Variants in PCDH15 observed in about 807,000 individuals in gnomAD.
PCDH15 encodes protocadherin related 15, also known as protocadherin-15.
PCDH15 carries 129 observed loss-of-function variants against 178.5 expected under a neutral mutation model. The ratio of observed to expected loss-of-function variants is 0.72; its 90% CI spans 0.63 to 0.84. The LOEUF (loss-of-function observed/expected upper bound fraction) is 0.84. PCDH15 is among the 40% of genes least tolerant of loss of function. PCDH15 has a pLI of 0.00. For synonymous variants in PCDH15, 800 were observed against 732.0 expected, an observed-to-expected ratio of 1.09 and a Z score of -1.50; for missense variants, 2,230 against 2,099.9, an observed-to-expected ratio of 1.06 and a Z score of -1.21.
chr10:54,613,864 C>CA (rs1448447533), intron 2 of PCDH15, among the ~76,000 whole-genome samples: 2 of 151,606 alleles, frequency 1.3e-5, no homozygotes, highest in African/African-American at 4.8e-5. Context: ...GTTAGCTCCT[C>CA]AACCTTGGAT....
chr10:55,472,507 G>T (rs1589059044), intron 2 of PCDH15, among the ~76,000 whole-genome samples: 2 of 124,642 alleles, frequency 1.6e-5, no homozygotes, highest in African/African-American at 3.0e-5. Context: ...CCAGAATCCT[G>T]ACTCTAATAA....
intron 1 of PCDH15, among the ~76,000 whole-genome samples, chr10:55,293,792 A>G (rs113526384): frequency 0.16 from 24,836 of 151,984 alleles, 3,471 homozygotes; most frequent in African/African-American, 0.38. Context: ...CAGCATTTTG[A>G]TCAAAGCCAT....
At chr10:54,544,085 T>A (rs943480864) in intron 2 of PCDH15, among the ~76,000 whole-genome samples, 12 of 152,190 alleles carry the variant, frequency 7.9e-5, no homozygotes, top group African/African-American at 2.9e-4. Flanking sequence ...CCATTCTGCA[T>A]CATAAACCTT....
intron 2 of PCDH15, among the ~76,000 whole-genome samples, chr10:54,932,960 G>A (rs1484025234): frequency 6.6e-6 from 1 of 152,098 alleles, no homozygotes; most frequent in African/African-American, 2.4e-5. Context: ...TTATGGTTAA[G>A]TGCTCTATAA....
chr10:55,172,163 G>T (rs572709535), intron 1 of PCDH15, among the ~76,000 whole-genome samples: 4 of 151,700 alleles, frequency 2.6e-5, no homozygotes, highest in South Asian at 2.1e-4. Flanking sequence ...ATTGTCAAGA[G>T]AATAAATTTA....
intron 15 of PCDH15, among the ~76,000 whole-genome samples, chr10:54,103,188 T>C (rs1401627405): frequency 6.6e-6 from 1 of 152,224 alleles, no homozygotes; most frequent in Non-Finnish European, 1.5e-5. Flanking sequence ...AATTAGTCTT[T>C]TGTCCATTCT....
At chr10:55,481,436 C>T (rs1840178937) in intron 2 of PCDH15, among the ~76,000 whole-genome samples, 1 of 151,132 alleles carries the variant, frequency 6.6e-6, no homozygotes, top group African/African-American at 2.4e-5. Context: ...GGGTTGCTGA[C>T]TTGATATCTT....
In PCDH15 at chr10:53,980,404, G is replaced by A. The variant is rs1026043297; in HGVS notation, c.2868+15245C>T. Among the ~76,000 whole-genome samples, 3 of 151,798 alleles carry A rather than the reference G, an allele frequency of 2.0e-5. No homozygotes were observed. The South Asian group carries it at 6.3e-4, about 32-fold the overall frequency. On this transcript the variant is annotated intron_variant, in intron 21 of 37. Coordinates refer to ENST00000644397, the MANE Select transcript of PCDH15 (RefSeq NM_001384140.1). The stretch of plus-strand genomic sequence containing the variant: ...AAATGTGTGGGATTCTAAAGGCCCT[G>A]TCAGCATATTTTCACGAAAACTTTC...
At chr10:54,571,604 T>A (rs1930150) in intron 2 of PCDH15, among the ~76,000 whole-genome samples, 142,440 of 152,178 alleles carry the variant, frequency 0.94, 66,939 homozygotes, top group Middle Eastern at 0.98. Flanking sequence ...AAACATATGC[T>A]GGAATGGAAA....
intron 8 of PCDH15, among the ~76,000 whole-genome samples, chr10:54,240,606 C>A: frequency 7.8e-6 from 1 of 127,628 alleles, no homozygotes; most frequent in Non-Finnish European, 1.7e-5. Context: ...CTTCTAAATT[C>A]TGTTATTTAT....
intron 1 of PCDH15, among the ~76,000 whole-genome samples, chr10:55,202,009 T>C (rs904952750): frequency 1.3e-5 from 2 of 152,124 alleles, no homozygotes; most frequent in African/African-American, 4.8e-5. Context: ...AAAGTGTTTA[T>C]GGTATCACAG....
intron 2 of PCDH15, among the ~76,000 whole-genome samples, chr10:54,559,659 A>G (rs1279918952): frequency 6.6e-6 from 1 of 151,992 alleles, no homozygotes; most frequent in East Asian, 1.9e-4. Flanking sequence ...TGTTCCCACA[A>G]TAAATTCCCT....
chr10:55,041,341 T>A (rs893323456), intron 2 of PCDH15, among the ~76,000 whole-genome samples: 21 of 152,174 alleles, frequency 1.4e-4, no homozygotes, highest in Admixed American at 3.3e-4. Context: ...CTACATCCTT[T>A]AAGGAAATTT....
At chr10:54,983,895 A>G (rs1839301981) in intron 2 of PCDH15, among the ~76,000 whole-genome samples, 1 of 152,130 alleles carries the variant, frequency 6.6e-6, no homozygotes, top group Non-Finnish European at 1.5e-5. Flanking sequence ...CAGAGATAAC[A>G]CAATTGATAG....
chr10:54,346,984 G>C (rs1943399086), intron 5 of PCDH15, among the ~76,000 whole-genome samples: 1 of 152,174 alleles, frequency 6.6e-6, no homozygotes, highest in African/African-American at 2.4e-5. Context: ...AAAATACTGG[G>C]AGTTTCTTGA....
rs893590787 is a variant in PCDH15 at position 54,293,219 on chromosome 10, C to G, written c.876+24052G>C. 3.9e-5 allele frequency among the ~76,000 whole-genome samples: 6 copies of G among 152,018 alleles called. No homozygotes were observed. The South Asian group carries it at 6.2e-4, about 16-fold the overall frequency. ...CTGACAAAAACAAGCAATGGGGAAA[C>G]GATTCCCTATTTAATAAATGGTGCT... On this transcript the variant is annotated intron_variant, in intron 8 of 37. Transcript: ENST00000644397.
At chr10:54,581,101 T>G (rs1161242896) in intron 2 of PCDH15, among the ~76,000 whole-genome samples, 5 of 151,972 alleles carry the variant, frequency 3.3e-5, no homozygotes, top group Non-Finnish European at 7.4e-5. Flanking sequence ...CTTAGAGCAA[T>G]CAAAGAAGAG....
Position 53,804,292 on chromosome 10 carries a change from T to TA in PCDH15, c.*2286dup, listed in dbSNP as rs1841029155. 2 of 151,912 alleles carry TA rather than the reference T, an allele frequency of 1.3e-5. No individual in the cohort carries two copies. The highest frequency in any genetic ancestry group is 4.8e-5 in the African/African-American group (2 of 41,410). 9.4% of individuals were successfully genotyped at this position (151,912 alleles called of 1,614,324 possible). On this transcript the variant is annotated 3_prime_UTR_variant, in exon 38 of 38. Transcript: ENST00000644397. ...TTGTAAAATTTTGCATATTTTCTCA[T>TA]AAAAAATGTAGTTTAAAATACAGTG... is the stretch of plus-strand genomic sequence containing the variant.
intron 2 of PCDH15, among the ~76,000 whole-genome samples, chr10:55,120,857 G>C (rs1564814881): frequency 6.6e-6 from 1 of 152,142 alleles, no homozygotes; most frequent in Non-Finnish European, 1.5e-5. Flanking sequence ...AACTCTGTAG[G>C]TGCATAGAGT....
Sources: allele counts gnomAD v4.1 joint callset (sites outside exome capture counted in the v4.1 genomes callset), GRCh38; gene constraint gnomAD v4.1.1; transcripts MANE v1.5; gene names NCBI Gene and HGNC (gene_info 2026-07-23, HGNC 2026-07-21).